Variants in UAP1 observed in about 807,000 individuals in gnomAD.
UAP1 encodes UDP-N-acetylhexosamine pyrophosphorylase.
UAP1 carries 25 observed loss-of-function variants against 58.5 expected under a neutral mutation model. That is an observed-to-expected ratio of 0.43 (90% CI 0.31 to 0.60). The LOEUF is 0.60. Ranked by LOEUF, UAP1 falls within the 20% of genes least tolerant of loss-of-function variation. The pLI, the probability that UAP1 is intolerant of heterozygous loss-of-function variation, is 0.11. For missense variants in UAP1, 575 were observed against 630.0 expected, an observed-to-expected ratio of 0.91 and a Z score of 0.93; for synonymous variants, 208 against 213.0, an observed-to-expected ratio of 0.98 and a Z score of 0.21.
At chr1:162,565,945 A>AG in intron 1 of UAP1, 67 bp from the exon 2 acceptor site, 1 of 955,966 alleles carries the variant, frequency 1.0e-6, no homozygotes, top group Non-Finnish European at 1.6e-6. Flanking sequence ...TTATTTTTAG[A>AG]GGGGAAAAAA....
chr1:162,570,163 A>G (rs956022728), intron 2 of UAP1, among the ~76,000 whole-genome samples: 1 of 152,092 alleles, frequency 6.6e-6, no homozygotes, highest in African/African-American at 2.4e-5. Context: ...AAAAAAAAAA[A>G]ATACTTATTT....
chr1:162,576,571 T>C (rs1654194859), intron 2 of UAP1, among the ~76,000 whole-genome samples: 1 of 152,204 alleles, frequency 6.6e-6, no homozygotes, highest in Non-Finnish European at 1.5e-5. Flanking sequence ...TTCAGTCCCA[T>C]GTGATCAATA....
At chr1:162,596,148 C>G (rs576327334) in intron 9 of UAP1, among the ~76,000 whole-genome samples, 1 of 151,808 alleles carries the variant, frequency 6.6e-6, no homozygotes, top group Admixed American at 6.6e-5. Context: ...CCACCACACC[C>G]GGCCACATTA....
At chr1:162,592,669 C>G in intron 8 of UAP1, 63 bp from the exon 9 acceptor site, 1 of 1,303,390 alleles carries the variant, frequency 7.7e-7, no homozygotes, top group East Asian at 2.5e-5. Context: ...TTTTGCAACT[C>G]CATTTCATTG....
At chr1:162,568,539 A>G (rs1314039588) in intron 2 of UAP1, among the ~76,000 whole-genome samples, 1 of 152,250 alleles carries the variant, frequency 6.6e-6, no homozygotes, top group Non-Finnish European at 1.5e-5. Context: ...GGTGCTTTTC[A>G]GATGTAAAAT....
At chr1:162,590,402 A>C in exon 8 of UAP1, 1 of 1,613,894 alleles carries the variant, frequency 6.2e-7, no homozygotes, top group Non-Finnish European at 8.5e-7. Context: ...TGGGAAAGAC[A>C]ACCCTACTAC....
exon 11 of UAP1, chr1:162,599,305 A>C: frequency 5.0e-6 from 8 of 1,612,678 alleles, no homozygotes; most frequent in Non-Finnish European, 6.8e-6. Flanking sequence ...AAAGAATTCC[A>C]TGCACCTCTA....
exon 8 of UAP1, chr1:162,590,411 A>T: frequency 6.2e-7 from 1 of 1,613,796 alleles, no homozygotes; most frequent in Non-Finnish European, 8.5e-7. Context: ...CAACCCTACT[A>T]CTGCAAGGCA....
intron 2 of UAP1, among the ~76,000 whole-genome samples, chr1:162,571,726 G>C (rs1197945493): frequency 1.3e-5 from 2 of 152,026 alleles, no homozygotes; most frequent in Admixed American, 6.6e-5. Context: ...AATTTTATTG[G>C]GCCACTTAAT....
chr1:162,574,640 GAA>G (rs1654066567), intron 2 of UAP1, among the ~76,000 whole-genome samples: 1 of 152,178 alleles, frequency 6.6e-6, no homozygotes, highest in African/African-American at 2.4e-5. Context: ...AAACAAGAAC[GAA>G]ACTGTTTACC....
intron 2 of UAP1, among the ~76,000 whole-genome samples, chr1:162,572,821 G>A (rs1653949579): frequency 6.6e-6 from 1 of 152,126 alleles, no homozygotes; most frequent in Non-Finnish European, 1.5e-5. Context: ...TGTGATTATA[G>A]GGTGCTGTTT....
chr1:162,579,377 C>T, intron 3 of UAP1, 51 bp from the exon 4 acceptor site: 6 of 1,297,532 alleles, frequency 4.6e-6, no homozygotes, highest in Non-Finnish European at 5.0e-6. Flanking sequence ...CTTTATTTTG[C>T]CCTAGTCCAC....
rs115736775 is a variant in UAP1 at position 162,574,641 on chromosome 1, A to G, written c.281-2136A>G. 3.6e-3 allele frequency among the ~76,000 whole-genome samples: 553 copies of G among 152,352 alleles called. 5 individuals carry two copies. Among genetic ancestry groups the G allele is most frequent in the African/African-American group, 0.013 (535 of 41,582 alleles). On this transcript the variant is annotated intron_variant, in intron 2 of 10. Coordinates refer to ENST00000271469, the Ensembl canonical transcript of UAP1. Reference sequence around the variant, plus strand: ...GTATGAAACTCAGAAAACAAGAACGAAACTGTTTACCATGGTTTTAATTTT... The same window carrying G: ...GTATGAAACTCAGAAAACAAGAACGGAACTGTTTACCATGGTTTTAATTTT...
intron 8 of UAP1, among the ~76,000 whole-genome samples, chr1:162,591,747 A>G (rs1655322316): frequency 6.6e-6 from 1 of 151,264 alleles, no homozygotes; most frequent in Non-Finnish European, 1.5e-5. Flanking sequence ...TGGCCTCCCA[A>G]AGTGCTGGGA....
intron 2 of UAP1, among the ~76,000 whole-genome samples, chr1:162,570,263 T>C (rs1653779853): frequency 6.6e-6 from 1 of 151,962 alleles, no homozygotes; most frequent in African/African-American, 2.4e-5. Flanking sequence ...AGTAATATTT[T>C]ACAGTCTTTT....
intron 2 of UAP1, among the ~76,000 whole-genome samples, chr1:162,567,888 T>G (rs1259940737): frequency 6.6e-6 from 1 of 152,138 alleles, no homozygotes; most frequent in Non-Finnish European, 1.5e-5. Context: ...CTTCGCCTCT[T>G]AGGCTTAAGC....
Position 162,571,566 on chromosome 1 carries a change from G to T in UAP1, c.281-5211G>T, listed in dbSNP as rs186055417. On this transcript the variant is annotated intron_variant, in intron 2 of 10. Transcript: ENST00000271469. ...CTTTTCAGTGTTTTTCAGTATTTCTGCAGAGGTAGCTTTAGGATAGAAATT... is the reference window on the plus strand; with the variant it reads ...CTTTTCAGTGTTTTTCAGTATTTCTTCAGAGGTAGCTTTAGGATAGAAATT... Among the ~76,000 whole-genome samples, 12 of 152,282 alleles carry T rather than the reference G, an allele frequency of 7.9e-5. No homozygotes were observed. In the East Asian group the frequency reaches 2.3e-3, roughly 29 times the overall value.
At chr1:162,583,895 C>T (rs1654755707) in intron 5 of UAP1, among the ~76,000 whole-genome samples, 1 of 152,150 alleles carries the variant, frequency 6.6e-6, no homozygotes, top group Non-Finnish European at 1.5e-5. Flanking sequence ...CTGCTTTGGC[C>T]TCCCAAAGTG....
chr1:162,594,788 T>TC (rs1163224061), intron 9 of UAP1, among the ~76,000 whole-genome samples: 1 of 152,238 alleles, frequency 6.6e-6, no homozygotes, highest in Admixed American at 6.5e-5. Context: ...TTGTTTAATA[T>TC]CCCCCATCGC....
Sources: allele counts gnomAD v4.1 joint callset (sites outside exome capture counted in the v4.1 genomes callset), GRCh38; gene constraint gnomAD v4.1.1; transcripts MANE v1.5; gene names NCBI Gene and HGNC (gene_info 2026-07-23, HGNC 2026-07-21).